The following PIEZO2 variants were observed in gnomAD, a reference collection of about 807,000 sequenced individuals.
PIEZO2 encodes the protein piezo type mechanosensitive ion channel component 2.
PIEZO2 carries 172 observed loss-of-function variants against 337.3 expected under a neutral mutation model. The ratio of observed to expected loss-of-function variants is 0.51; its 90% CI spans 0.45 to 0.58. The LOEUF is 0.58. Ranked by LOEUF, PIEZO2 falls within the 20% of genes least tolerant of loss-of-function variation. The pLI, the probability that PIEZO2 is intolerant of heterozygous loss-of-function variation, is 0.00. For missense variants in PIEZO2, 3,028 were observed against 3,391.3 expected (o/e 0.89, Z 2.66); for synonymous variants, 1,251 against 1,228.5 (o/e 1.02, Z -0.38).
chr18:10,875,101 A>T (rs2042236906), intron 4 of PIEZO2, among the ~76,000 whole-genome samples: 1 of 152,164 alleles, frequency 6.6e-6, no homozygotes, highest in South Asian at 2.1e-4. Flanking sequence ...TTACAAATCA[A>T]CTTAAAAAAT....
chr18:10,997,368 T>C (rs932718919), intron 2 of PIEZO2, among the ~76,000 whole-genome samples: 1 of 152,174 alleles, frequency 6.6e-6, no homozygotes, highest in Admixed American at 6.5e-5. Context: ...TCCCAAATTA[T>C]TTGATAAACA....
At chr18:10,696,809 T>C (rs183347212) in intron 45 of PIEZO2, among the ~76,000 whole-genome samples, 4 of 152,266 alleles carry the variant, frequency 2.6e-5, no homozygotes, top group Admixed American at 1.3e-4. Context: ...AATAGAATGG[T>C]ATGATGCCCT....
Position 11,078,144 on chromosome 18 carries a change from T to TCACCACACACACACATACACA in PIEZO2, c.65-11943_65-11923dup, listed in dbSNP as rs1209492036. Among the ~76,000 whole-genome samples, 83 of 124,262 alleles carry TCACCACACACACACATACACA rather than the reference T, an allele frequency of 6.7e-4. No homozygotes were observed. The highest frequency in any genetic ancestry group is 3.7e-4 in the Non-Finnish European group (23 of 62,464). 81.5% of individuals were successfully genotyped at this position (124,262 alleles called of 152,430 possible). On this transcript the variant is annotated intron_variant, in intron 1 of 55. Transcript: ENST00000674853. This position sits in a 1 kb window ranked among gnomAD's most constrained non-coding sequence, Gnocchi z 5.3. Reference sequence around the variant, plus strand: ...ACCATACACACACATACACACACACTCACCACACACACACATACACACACC... The same window carrying TCACCACACACACACATACACA: ...ACCATACACACACATACACACACACTCACCACACACACACATACACACACCACACACACACATACACACACC...
chr18:10,682,361 G>A lies in PIEZO2; in HGVS notation c.7498-69C>T. On this transcript the variant is annotated intron_variant, in intron 49 of 55. Coordinates refer to ENST00000674853, the MANE Select transcript of PIEZO2 (RefSeq NM_001378183.1). The surrounding 1 kb of genome is among the most constrained non-coding windows in gnomAD (Gnocchi z 5.6). The stretch of plus-strand genomic sequence containing the variant: ...GCTTTCCCGCAGGCAGCGGGATTGG[G>A]GGAGAGCGAGTGCTCTTCCTGTGGT... The A allele has an allele frequency of 1.0e-5, 14 of 1,355,962 alleles. No homozygotes were observed. The highest frequency in any genetic ancestry group is 2.2e-4 in the Middle Eastern group (1 of 4,496). The allele number at this position is 1,355,962 out of a possible 1,614,324, so 84.0% of individuals were successfully genotyped here. A position where few individuals can be genotyped will look rare whatever the true frequency, so the allele number is the denominator to read the frequency against.
At position 10,835,085 on chromosome 18, in the gene PIEZO2, C is replaced by T. The variant is rs72988057; in HGVS notation, c.917+20268G>A. Among the ~76,000 whole-genome samples the T allele has an allele frequency of 3.2e-3, 486 of 152,290 alleles. 3 individuals are homozygous for T. The highest frequency in any genetic ancestry group is 5.0e-3 in the Non-Finnish European group (343 of 68,024). ...CATGTGAGGACACATCTAGAAGGTACTATCTGTGAACCAGGAAGAGGGCCC... is the reference window on the plus strand; with the variant it reads ...CATGTGAGGACACATCTAGAAGGTATTATCTGTGAACCAGGAAGAGGGCCC... On this transcript the variant is annotated intron_variant, in intron 7 of 55. Transcript: ENST00000674853.
rs537299799 is a variant in PIEZO2 at position 10,676,662 on chromosome 18, G to A, written c.8081+1085C>T. Among the ~76,000 whole-genome samples the A allele has an allele frequency of 1.3e-5, 2 of 152,336 alleles. No homozygotes were observed. The highest frequency in any genetic ancestry group is 2.1e-4 in the South Asian group (1 of 4,824). On this transcript the variant is annotated intron_variant, in intron 53 of 55. Coordinates refer to ENST00000674853, the MANE Select transcript of PIEZO2 (RefSeq NM_001378183.1). The surrounding 1 kb of genome is among the most constrained non-coding windows in gnomAD (Gnocchi z 5.1). ...GTGATTATGGTCAGATAAGAGCAAG[G>A]TTTGTCATCTAGAGATGAGATCAAT...
At chr18:10,985,288 T>G (rs2034828177) in intron 2 of PIEZO2, among the ~76,000 whole-genome samples, 1 of 152,028 alleles carries the variant, frequency 6.6e-6, no homozygotes, top group African/African-American at 2.4e-5. Context: ...CTAATAGATA[T>G]AAATAGAAAA....
rs568461460 is a variant in PIEZO2, at chr18:10,800,486, T to G, written c.1240-11A>C. 2.0e-6 allele frequency: 3 copies of G among 1,522,190 alleles called. No individual in the cohort carries two copies. The highest frequency in any genetic ancestry group is 2.6e-6 in the Non-Finnish European group (3 of 1,140,436). The allele number at this position is 1,522,190 out of a possible 1,614,324, so 94.3% of individuals were successfully genotyped here. A position where few individuals can be genotyped will look rare whatever the true frequency, so the allele number is the denominator to read the frequency against. On this transcript the variant is annotated splice_polypyrimidine_tract_variant and intron_variant, in intron 10 of 55. Transcript: ENST00000674853. ...AGTCACCAGCAGGCCCTGCCGGGAGTGCAGAGAAAGGGACAACTGTTACAG... is the reference window on the plus strand; with the variant it reads ...AGTCACCAGCAGGCCCTGCCGGGAGGGCAGAGAAAGGGACAACTGTTACAG...
In PIEZO2 at chr18:11,031,099, C is replaced by T. The variant is rs903915591; in HGVS notation, c.160+35028G>A. ...CCGCCTCCCGGGTTCACACCATTCT[C>T]CTGCCTCAGCCTCTCGAGTTTCTGG... On this transcript the variant is annotated intron_variant, in intron 2 of 55. Coordinates refer to ENST00000674853, the MANE Select transcript of PIEZO2 (RefSeq NM_001378183.1). The surrounding 1 kb of genome is among the most constrained non-coding windows in gnomAD (Gnocchi z 4.7). Among the ~76,000 whole-genome samples, 1 of 152,056 alleles carries T rather than the reference C, an allele frequency of 6.6e-6. No homozygotes were observed. The highest frequency in any genetic ancestry group is 1.5e-5 in the Non-Finnish European group (1 of 68,016).
intron 2 of PIEZO2, among the ~76,000 whole-genome samples, chr18:11,036,958 G>C (rs1204918671): frequency 1.3e-5 from 2 of 151,700 alleles, no homozygotes; most frequent in African/African-American, 4.8e-5. Flanking sequence ...TTTCTTATTT[G>C]TGTGCGTGTG....
chr18:10,732,285 G>A (rs931813091), intron 35 of PIEZO2, among the ~76,000 whole-genome samples: 4 of 152,188 alleles, frequency 2.6e-5, no homozygotes, highest in African/African-American at 9.7e-5. Flanking sequence ...GCAACAAGAA[G>A]CCAAGCAGGC....
At chr18:10,984,374 A>G (rs1181669012) in intron 2 of PIEZO2, among the ~76,000 whole-genome samples, 2 of 152,042 alleles carry the variant, frequency 1.3e-5, no homozygotes, top group Non-Finnish European at 2.9e-5. Context: ...AAAATGAGAC[A>G]TTCAACCATA....
At chr18:10,827,933 T>C (rs1598544100) in intron 7 of PIEZO2, among the ~76,000 whole-genome samples, 1 of 152,200 alleles carries the variant, frequency 6.6e-6, no homozygotes, top group East Asian at 1.9e-4. Flanking sequence ...AATTAATTTA[T>C]GGTAAAAATC....
intron 1 of PIEZO2, among the ~76,000 whole-genome samples, chr18:11,100,493 C>T (rs1481704097): frequency 2.0e-5 from 3 of 152,352 alleles, no homozygotes; most frequent in African/African-American, 2.4e-5. Context: ...TTTTAAAAGA[C>T]GGCCTGCCCA....
chr18:11,049,444 A>T (rs901462759), intron 2 of PIEZO2, among the ~76,000 whole-genome samples: 2 of 152,230 alleles, frequency 1.3e-5, no homozygotes, highest in Non-Finnish European at 2.9e-5. Context: ...AAATGAGTAA[A>T]TGAAAGAATG....
chr18:10,922,543 G>A (rs1377355823), intron 3 of PIEZO2, among the ~76,000 whole-genome samples: 1 of 152,036 alleles, frequency 6.6e-6, no homozygotes, highest in African/African-American at 2.4e-5. Flanking sequence ...CAGAGGAAAG[G>A]ACGTTTCCAG....
chr18:11,086,351 T>A (rs905421072), intron 1 of PIEZO2, among the ~76,000 whole-genome samples: 3 of 151,900 alleles, frequency 2.0e-5, no homozygotes, highest in African/African-American at 7.3e-5. Flanking sequence ...AAACCCCGTC[T>A]CGACTAAAAA....
At chr18:11,134,758 A>G (rs1201234436) in intron 1 of PIEZO2, among the ~76,000 whole-genome samples, 2 of 152,344 alleles carry the variant, frequency 1.3e-5, no homozygotes, top group East Asian at 1.9e-4. Context: ...AGACCTAATC[A>G]TGAAACTCAG....
intron 15 of PIEZO2, among the ~76,000 whole-genome samples, chr18:10,788,352 T>C (rs141112795): frequency 1.4e-5 from 2 of 142,070 alleles, no homozygotes; most frequent in Non-Finnish European, 3.0e-5. Context: ...CAGTGAGCAA[T>C]GAGCAGAGAT....
Sources: gnomAD v4.1 joint callset for allele counts (sites outside exome capture counted in the v4.1 genomes callset) on GRCh38, gnomAD v4.1.1 for gene constraint, Gnocchi (gnomAD v3.1) non-coding constraint, MANE v1.5 for transcripts, NCBI Gene and HGNC (gene_info 2026-07-23, HGNC 2026-07-21) for gene names.